COPG2: variants seen among roughly 807,000 people sequenced by gnomAD.
COPG2 encodes the protein coatomer subunit gamma-2.
A neutral mutation model predicts 46.3 loss-of-function variants in COPG2; 37 were observed. The observed-to-expected ratio is 0.80, with a 90% confidence interval of 0.61 to 1.05. The LOEUF (loss-of-function observed/expected upper bound fraction) is 1.05, where lower values mean the gene tolerates loss of function less well. Ranked by LOEUF, COPG2 falls within the 50% of genes least tolerant of loss-of-function variation. The pLI, the probability that COPG2 is intolerant of heterozygous loss-of-function variation, is 0.00. For missense variants in COPG2, 427 were observed against 387.8 expected, an observed-to-expected ratio of 1.10 and a Z score of -0.85; for synonymous variants, 159 against 129.7, an observed-to-expected ratio of 1.23 and a Z score of -1.53.
At chr7:130,560,969 C>T (rs908001278) in intron 12 of COPG2, 64 bp downstream of exon 12, 9 of 397,892 alleles carry the variant, frequency 2.3e-5, no homozygotes, top group African/African-American at 1.4e-4. Flanking sequence ...CAAATGATAC[C>T]GTTAAGAAAA....
chr7:130,630,653 CT>C, intron 5 of COPG2, among the ~76,000 whole-genome samples: 1 of 152,266 alleles, frequency 6.6e-6, no homozygotes, highest in South Asian at 2.1e-4. Flanking sequence ...CTGTGAAACT[CT>C]GTTATTAGCT....
intron 7 of COPG2, among the ~76,000 whole-genome samples, chr7:130,613,210 T>A (rs1794886327): frequency 6.6e-6 from 1 of 152,098 alleles, no homozygotes; most frequent in Non-Finnish European, 1.5e-5. Context: ...GCAACCTAGA[T>A]CCCTGCATGC....
chr7:130,612,258 A>C lies in COPG2; in HGVS notation c.493-20T>G. 7.0e-7 allele frequency: 1 copy of C among 1,436,010 alleles called. No homozygotes were observed. The highest frequency in any genetic ancestry group is 9.4e-7 in the Non-Finnish European group (1 of 1,058,434). 89.0% of individuals were successfully genotyped at this position (1,436,010 alleles called of 1,614,324 possible). A position where few individuals can be genotyped will look rare whatever the true frequency, so the allele number is the denominator to read the frequency against. Reference sequence around the variant, plus strand: ...CATGTGCTAAATACAGAAAAAAAAAAATGAGAATAAATAATGCTTGGTCAC... The same window carrying C: ...CATGTGCTAAATACAGAAAAAAAAACATGAGAATAAATAATGCTTGGTCAC... On this transcript the variant is annotated intron_variant, in intron 7 of 23. Transcript: ENST00000425248.
rs59413856 is a variant in COPG2, at chr7:130,659,354, C to CAAAAAAAAAAAA, written c.243+3601_243+3612dup. Among the ~76,000 whole-genome samples, 87 of 65,462 alleles carry CAAAAAAAAAAAA rather than the reference C, an allele frequency of 1.3e-3. 16 individuals carry two copies. Among genetic ancestry groups the CAAAAAAAAAAAA allele is most frequent in the African/African-American group, 2.4e-3 (40 of 16,462 alleles). The allele number at this position is 65,462 out of a possible 152,430, so 42.9% of individuals were successfully genotyped here. A position where few individuals can be genotyped will look rare whatever the true frequency, so the allele number is the denominator to read the frequency against. On this transcript the variant is annotated intron_variant, in intron 4 of 23. Transcript: ENST00000425248. Reference sequence around the variant, plus strand: ...TGGGCGACAGAGCAAGACTCCGTCTCAAAAAAAAAAAAAACGAACAAACAA... The same window carrying CAAAAAAAAAAAA: ...TGGGCGACAGAGCAAGACTCCGTCTCAAAAAAAAAAAAAAAAAAAAAAAAAACGAACAAACAA...
At chr7:130,589,492 C>T (rs184327316) in intron 9 of COPG2, among the ~76,000 whole-genome samples, 22 of 152,158 alleles carry the variant, frequency 1.4e-4, no homozygotes, top group East Asian at 3.9e-4. Flanking sequence ...GCTATGTTGG[C>T]GGGGCTAGTC....
intron 11 of COPG2, among the ~76,000 whole-genome samples, chr7:130,561,478 G>A (rs1793719929): frequency 1.3e-5 from 2 of 151,950 alleles, no homozygotes; most frequent in Non-Finnish European, 2.9e-5. Context: ...AATTATAATT[G>A]GCCTGTATTT....
At chr7:130,615,111 G>A (rs781807510) in intron 6 of COPG2, among the ~76,000 whole-genome samples, 4 of 152,200 alleles carry the variant, frequency 2.6e-5, no homozygotes, top group Non-Finnish European at 5.9e-5. Context: ...TGAAGGTCAT[G>A]GATACGGTCC....
intron 4 of COPG2, among the ~76,000 whole-genome samples, chr7:130,659,199 C>CA (rs1165254702): frequency 1.3e-5 from 2 of 151,328 alleles, no homozygotes; most frequent in Non-Finnish European, 2.9e-5. Flanking sequence ...ACTAAAAATA[C>CA]AAAAAATTAT....
At chr7:130,517,621 G>A (rs1013458273) in intron 20 of COPG2, among the ~76,000 whole-genome samples, 32 of 152,198 alleles carry the variant, frequency 2.1e-4, no homozygotes, top group Admixed American at 1.6e-3. Flanking sequence ...GTCTGTAGAG[G>A]AAATTAATTG....
intron 1 of COPG2, among the ~76,000 whole-genome samples, chr7:130,668,310 C>T (rs1796131960): frequency 6.6e-6 from 1 of 151,872 alleles, no homozygotes; most frequent in East Asian, 1.9e-4. Context: ...GAGACGCGCG[C>T]ACGCCCTCGG....
intron 5 of COPG2, among the ~76,000 whole-genome samples, chr7:130,624,515 C>T (rs1554454036): frequency 6.6e-6 from 1 of 152,036 alleles, no homozygotes. Flanking sequence ...GTGCACCCAT[C>T]ACCCAAGCAG....
At chr7:130,652,642 T>G (rs1178148180) in intron 5 of COPG2, among the ~76,000 whole-genome samples, 2 of 152,204 alleles carry the variant, frequency 1.3e-5, no homozygotes, top group Non-Finnish European at 2.9e-5. Context: ...TTATGAAAAT[T>G]TTGATGCACT....
At chr7:130,518,569 A>G (rs1799698394) in intron 20 of COPG2, among the ~76,000 whole-genome samples, 1 of 152,232 alleles carries the variant, frequency 6.6e-6, no homozygotes, top group African/African-American at 2.4e-5. Flanking sequence ...ATGGAAGCTG[A>G]TAATACTGAT....
intron 9 of COPG2, among the ~76,000 whole-genome samples, chr7:130,568,101 C>T (rs1793833221): frequency 6.6e-6 from 1 of 152,100 alleles, no homozygotes; most frequent in Admixed American, 6.5e-5. Flanking sequence ...ACATGGTGAC[C>T]CTGTCTCTAC....
intron 9 of COPG2, among the ~76,000 whole-genome samples, chr7:130,589,836 G>A (rs1190096822): frequency 5.9e-5 from 9 of 152,232 alleles, no homozygotes; most frequent in African/African-American, 9.6e-5. Flanking sequence ...GGAGCTGCGC[G>A]TTAATCCCAA....
At chr7:130,636,022 T>A (rs782101631) in intron 5 of COPG2, among the ~76,000 whole-genome samples, 2 of 152,154 alleles carry the variant, frequency 1.3e-5, no homozygotes, top group African/African-American at 2.4e-5. Flanking sequence ...TTTGAGTGAG[T>A]TTCTTAATCC....
chr7:130,624,957 G>A (rs1215628215), intron 5 of COPG2, among the ~76,000 whole-genome samples: 3 of 152,162 alleles, frequency 2.0e-5, no homozygotes, highest in South Asian at 4.1e-4. Flanking sequence ...TCGAATGGCA[G>A]TTCTACTTTT....
Position 130,563,193 on chromosome 7 carries a change from A to G in COPG2, c.939+76T>C, listed in dbSNP as rs1202862339. ...AATCACATATACTAACCTTGGAGAG[A>G]AAACCAAATGCTTCACATTTAATGT... On this transcript the variant is annotated intron_variant, in intron 11 of 23. Transcript: ENST00000425248. The G allele has an allele frequency of 7.6e-6, 3 of 395,954 alleles. No individual in the cohort carries two copies. In the East Asian group the frequency reaches 1.1e-4, roughly 14 times the overall value. 24.5% of individuals were successfully genotyped at this position (395,954 alleles called of 1,614,324 possible). A position where few individuals can be genotyped will look rare whatever the true frequency, so the allele number is the denominator to read the frequency against.
At chr7:130,571,841 C>CTA (rs1322540772) in intron 9 of COPG2, among the ~76,000 whole-genome samples, 5 of 150,640 alleles carry the variant, frequency 3.3e-5, no homozygotes, top group African/African-American at 9.8e-5. Flanking sequence ...CGCCCTCTCT[C>CTA]TCTCTATATA....
Sources: gnomAD v4.1 joint callset for allele counts (sites outside exome capture counted in the v4.1 genomes callset) on GRCh38, gnomAD v4.1.1 for gene constraint, MANE v1.5 for transcripts, NCBI Gene and HGNC (gene_info 2026-07-23, HGNC 2026-07-21) for gene names.